Variants in SASH1 observed in about 807,000 individuals in gnomAD.
SASH1 encodes the protein SAM and SH3 domain-containing protein 1.
SASH1 carries 44 observed loss-of-function variants against 125.2 expected under a neutral mutation model. That is an observed-to-expected ratio of 0.35 (90% CI 0.28 to 0.45). The LOEUF (loss-of-function observed/expected upper bound fraction) is 0.45. Among genes scored for constraint, SASH1 ranks in the 20% least tolerant of loss-of-function variants. The pLI is 1.00. For missense variants in SASH1, 1,426 were observed against 1,614.5 expected (o/e 0.88, Z 2.00); for synonymous variants, 639 against 649.1 (o/e 0.98, Z 0.24).
At chr6:148,304,593 G>A (rs1780073499) in intron 1 of SASH1, among the ~76,000 whole-genome samples, 1 of 152,098 alleles carries the variant, frequency 6.6e-6, no homozygotes, top group Non-Finnish European at 1.5e-5. Context: ...ATGGGCGACA[G>A]AGTGAGACTC....
At chr6:148,396,610 A>G (rs1375876668) in intron 2 of SASH1, among the ~76,000 whole-genome samples, 1 of 152,120 alleles carries the variant, frequency 6.6e-6, no homozygotes, top group Non-Finnish European at 1.5e-5. Flanking sequence ...CAGAGGCAGT[A>G]AGAGTAGTGT....
Position 148,390,148 on chromosome 6 carries a change from A to T in SASH1, c.171A>T (p.Gly57=). Residue 57 remains glycine (G), a synonymous_variant, in exon 2 of 20, where the codon GGA becomes GGT. Coordinates refer to ENST00000367467, the MANE Select transcript of SASH1 (RefSeq NM_015278.5). ...CACCCCTTCAGGACGGTTCACTGGGAAACATCGATGACCTGGCGCAGCAGT... is the reference window on the plus strand; with the variant it reads ...CACCCCTTCAGGACGGTTCACTGGGTAACATCGATGACCTGGCGCAGCAGT... ...DVMGILDGSL[G]NIDDLAQQYA... is the part of the protein sequence containing the mutation. The T allele has an allele frequency of 6.2e-7, 1 of 1,613,350 alleles. No homozygotes were observed. Among genetic ancestry groups the T allele is most frequent in the Non-Finnish European group, 8.5e-7 (1 of 1,179,608 alleles).
chr6:148,324,123 A>AAAAAAAAAAAAC (rs1780732140), intron 1 of SASH1, among the ~76,000 whole-genome samples: 1 of 148,702 alleles, frequency 6.7e-6, no homozygotes, highest in East Asian at 2.0e-4. Context: ...TGTCTCAAAA[A>AAAAAAAAAAAAC]AAAAAAAAAA....
At chr6:148,235,942 TTTC>T in the SASH1 span, among the ~76,000 whole-genome samples, 2 of 152,256 alleles carry the variant, frequency 1.3e-5, no homozygotes, top group East Asian at 3.9e-4. Flanking sequence ...GTAGGCTAGT[TTTC>T]TTCTTATATT....
the SASH1 span, among the ~76,000 whole-genome samples, chr6:148,233,842 G>T: frequency 3.3e-5 from 5 of 149,860 alleles, no homozygotes. Flanking sequence ...GAGCCCAGGA[G>T]TTTGAGGCTG....
At position 148,527,464 on chromosome 6, in the gene SASH1, A is replaced by C. The variant is rs930939109; in HGVS notation, c.1296A>C (p.Gly432=). Residue 432 remains glycine, a synonymous_variant, in exon 12 of 20, where the codon GGA becomes GGC. Coordinates refer to ENST00000367467, the MANE Select transcript of SASH1 (RefSeq NM_015278.5). ...SNNSDPMGKE[G]DFVYKEVIKS... ...ATTTTGTTTTACAGGGTAAAGAAGG[A>C]GACTTTGTGTACAAAGAAGTCATCA... is the stretch of plus-strand genomic sequence containing the variant. 3.1e-6 allele frequency: 5 copies of C among 1,597,222 alleles called. No homozygotes were observed. The African/African-American group carries it at 6.8e-5, about 22-fold the overall frequency.
intron 1 of SASH1, among the ~76,000 whole-genome samples, chr6:148,293,264 T>G (rs564761704): frequency 8.5e-5 from 13 of 152,276 alleles, no homozygotes; most frequent in African/African-American, 2.6e-4. Flanking sequence ...CACTCCAGAC[T>G]AGCACTGAGC....
chr6:148,512,473 A>G, intron 8 of SASH1: 1 of 985,310 alleles, frequency 1.0e-6, no homozygotes, highest in Non-Finnish European at 1.2e-6. Flanking sequence ...TGGGTTTTTC[A>G]GGTGCTTGTT....
chr6:148,481,207 C>T (rs1259158140), intron 7 of SASH1, among the ~76,000 whole-genome samples: 3 of 152,008 alleles, frequency 2.0e-5, no homozygotes, highest in African/African-American at 7.2e-5. Context: ...ATAAGACGCA[C>T]CTCCTTATCT....
At chr6:148,470,692 G>A (rs749243392) in intron 5 of SASH1, among the ~76,000 whole-genome samples, 2 of 152,160 alleles carry the variant, frequency 1.3e-5, no homozygotes, top group Non-Finnish European at 2.9e-5. Context: ...GGAAAGGATC[G>A]GGGGTGCGGT....
intron 4 of SASH1, among the ~76,000 whole-genome samples, chr6:148,453,744 A>G (rs749675175): frequency 6.6e-5 from 10 of 152,218 alleles, no homozygotes; most frequent in Non-Finnish European, 8.8e-5. Flanking sequence ...ATCTGAAGAC[A>G]TGGAAAGATG....
chr6:148,208,304 A>G, the SASH1 span, among the ~76,000 whole-genome samples: 1 of 152,214 alleles, frequency 6.6e-6, no homozygotes, highest in Non-Finnish European at 1.5e-5. Flanking sequence ...CTATTCGGAA[A>G]ACATTCCTAC....
rs1385695372 is a variant in SASH1 at position 148,481,233 on chromosome 6, A to G, written c.628-6381A>G. Among the ~76,000 whole-genome samples the G allele has an allele frequency of 2.6e-5, 4 of 152,104 alleles. 1 individual carries two copies. The highest frequency in any genetic ancestry group is 4.2e-4 in the South Asian group (2 of 4,810). ...CTCCTTATCTCTTCATAGAACTGAA[A>G]AGAGTTAGGGCCTTGCTCTGGATTC... On this transcript the variant is annotated intron_variant, in intron 7 of 19. Transcript: ENST00000367467.
At chr6:148,412,054 C>T (rs1721318595) in intron 2 of SASH1, among the ~76,000 whole-genome samples, 1 of 152,128 alleles carries the variant, frequency 6.6e-6, no homozygotes, top group Admixed American at 6.5e-5. Context: ...TGAAGCCACA[C>T]TGAATGTTGC....
chr6:148,435,611 A>G (rs1300281884), intron 2 of SASH1, among the ~76,000 whole-genome samples: 1 of 152,142 alleles, frequency 6.6e-6, no homozygotes, highest in Non-Finnish European at 1.5e-5. Context: ...CGTGCTCAAG[A>G]TTGAGCAACA....
At chr6:148,456,438 C>T (rs1777356676) in intron 4 of SASH1, among the ~76,000 whole-genome samples, 1 of 152,244 alleles carries the variant, frequency 6.6e-6, no homozygotes, top group African/African-American at 2.4e-5. Context: ...CTGCCAGCCT[C>T]AGCCACATTT....
the SASH1 span, among the ~76,000 whole-genome samples, chr6:148,234,474 C>G: frequency 1.3e-5 from 2 of 151,928 alleles, no homozygotes; most frequent in African/African-American, 4.8e-5. Flanking sequence ...CCTTCCTTTG[C>G]TCAGGGCATA....
intron 9 of SASH1, among the ~76,000 whole-genome samples, chr6:148,518,212 C>A (rs980762275): frequency 6.6e-6 from 1 of 152,088 alleles, no homozygotes. Context: ...GTGAGAACCC[C>A]GAATCCTGCC....
At chr6:148,207,323 A>G in the SASH1 span, among the ~76,000 whole-genome samples, 3 of 152,204 alleles carry the variant, frequency 2.0e-5, no homozygotes, top group African/African-American at 7.2e-5. Context: ...TTCATTTTAA[A>G]TCATTTAAAT....
Sources: gnomAD v4.1 joint callset for allele counts (sites outside exome capture counted in the v4.1 genomes callset) on GRCh38, gnomAD v4.1.1 for gene constraint, MANE v1.5 for transcripts, NCBI Gene and HGNC (gene_info 2026-07-23, HGNC 2026-07-21) for gene names.